Variants in NFASC observed in about 807,000 individuals in gnomAD.
NFASC encodes neurofascin.
In NFASC, 43 loss-of-function variants were observed where a neutral mutation model predicts 147.5. The ratio of observed to expected loss-of-function variants is 0.29; its 90% CI spans 0.23 to 0.38. The LOEUF (loss-of-function observed/expected upper bound fraction) is 0.38. Ranked by LOEUF, NFASC falls within the 10% of genes least tolerant of loss-of-function variation. The pLI is 1.00. For synonymous variants in NFASC, 622 were observed against 665.5 expected (o/e 0.93, Z 1.01); for missense variants, 1,320 against 1,689.0 (o/e 0.78, Z 3.83).
At chr1:204,849,205 T>C (rs2075443679) in intron 1 of NFASC, among the ~76,000 whole-genome samples, 1 of 152,246 alleles carries the variant, frequency 6.6e-6, no homozygotes, top group South Asian at 2.1e-4. Flanking sequence ...TTTGAGCCTC[T>C]CTACCGAAAC....
At chr1:204,839,614 G>A (rs1364330239) in intron 1 of NFASC, among the ~76,000 whole-genome samples, 2 of 150,806 alleles carry the variant, frequency 1.3e-5, no homozygotes, top group African/African-American at 2.4e-5. Flanking sequence ...GGTTGGTCAG[G>A]CAGCTTGCTC....
Position 204,974,739 on chromosome 1 carries a change from C to G in NFASC, c.1474C>G (p.Arg492Gly), listed in dbSNP as rs531423904. ...ENGSLEIKMI[R>G]KEDQGIYTCV... The stretch of plus-strand genomic sequence containing the variant: ...CGGCAGTCTGGAAATTAAGATGATC[C>G]GCAAAGAGGACCAGGGCATCTACAC... The change falls in exon 14 of 30, where the codon CGC becomes GGC. Residue 492 changes from arginine to glycine, a missense_variant. This residue lies in a region of NFASC where 981 missense variants were observed against 1,289.5 expected (regional missense o/e 0.76). Coordinates refer to ENST00000339876, the MANE Select transcript of NFASC (RefSeq NM_001005388.3). 1 of 1,613,864 alleles carries G rather than the reference C, an allele frequency of 6.2e-7. No individual in the cohort carries two copies. The highest frequency in any genetic ancestry group is 8.5e-7 in the Non-Finnish European group (1 of 1,179,944).
rs1484245281 is a variant in NFASC, at chr1:204,975,270, G to C, written c.1559-1G>C. On this transcript the variant is annotated splice_acceptor_variant, in intron 14 of 29. Transcript: ENST00000339876. LOFTEE classifies it high-confidence loss of function. The surrounding 1 kb of genome is among the most constrained non-coding windows in gnomAD (Gnocchi z 4.0). Reference sequence around the variant, plus strand: ...GGCGAGTGCTCTGGGCTTCTCCACAGACCCCACCAGGATCTACCGGATGCC... The same window carrying C: ...GGCGAGTGCTCTGGGCTTCTCCACACACCCCACCAGGATCTACCGGATGCC... 6.2e-7 allele frequency: 1 copy of C among 1,610,106 alleles called. No homozygotes were observed. Among genetic ancestry groups the C allele is most frequent in the Non-Finnish European group, 8.5e-7 (1 of 1,177,656 alleles).
intron 24 of NFASC, among the ~76,000 whole-genome samples, chr1:204,993,257 T>G (rs2095779040): frequency 6.6e-6 from 1 of 152,218 alleles, no homozygotes; most frequent in Non-Finnish European, 1.5e-5. Flanking sequence ...CTCTTAGGAT[T>G]GCTGCCCGTC....
intron 8 of NFASC, among the ~76,000 whole-genome samples, chr1:204,958,277 G>A (rs959325437): frequency 2.0e-5 from 3 of 152,074 alleles, no homozygotes; most frequent in Admixed American, 1.3e-4. Context: ...ATCTTTATTT[G>A]TATAAGAAAC....
chr1:204,847,294 T>C lies in NFASC; in HGVS notation c.-200+18512T>C, dbSNP rs114653096. On this transcript the variant is annotated intron_variant, in intron 1 of 29. Coordinates refer to ENST00000339876, the MANE Select transcript of NFASC (RefSeq NM_001005388.3). ...GTGCTAGACAATGTCCTAAGTGCTT[T>C]AAATAGATACTATCTCACTCCACAT... 5.8e-3 allele frequency among the ~76,000 whole-genome samples: 879 copies of C among 152,320 alleles called. 15 individuals carry two copies. Among genetic ancestry groups the C allele is most frequent in the African/African-American group, 0.02 (826 of 41,556 alleles).
At chr1:204,893,550 C>T (rs373105899) in intron 1 of NFASC, among the ~76,000 whole-genome samples, 4 of 152,276 alleles carry the variant, frequency 2.6e-5, no homozygotes, top group Non-Finnish European at 5.9e-5. Flanking sequence ...AGTACCAGAT[C>T]TAAAATTGCT....
chr1:204,899,751 C>T (rs1360593341), intron 1 of NFASC, among the ~76,000 whole-genome samples: 3 of 152,190 alleles, frequency 2.0e-5, no homozygotes, highest in Admixed American at 6.5e-5. Flanking sequence ...TCACCTTGAG[C>T]AAGTTCTCCA....
chr1:204,853,612 T>C (rs773722236), intron 1 of NFASC, among the ~76,000 whole-genome samples: 3 of 152,210 alleles, frequency 2.0e-5, no homozygotes, highest in Non-Finnish European at 4.4e-5. Flanking sequence ...TTGTTGGGTA[T>C]ATGTGCATGT....
intron 1 of NFASC, among the ~76,000 whole-genome samples, chr1:204,831,356 G>T (rs921249943): frequency 1.3e-5 from 2 of 150,168 alleles, no homozygotes; most frequent in Non-Finnish European, 3.0e-5. Flanking sequence ...AACTGGCTGC[G>T]CTCACAAGGG....
intron 4 of NFASC, 130 bp from the exon 5 acceptor site, chr1:204,951,881 G>C: frequency 1.5e-6 from 1 of 651,820 alleles, no homozygotes; most frequent in South Asian, 1.9e-5. Flanking sequence ...CCTGTTCACC[G>C]CCCCCCACAC....
chr1:204,904,646 A>T (rs1373552937), intron 1 of NFASC, among the ~76,000 whole-genome samples: 1 of 152,236 alleles, frequency 6.6e-6, no homozygotes, highest in African/African-American at 2.4e-5. Flanking sequence ...CACTTTTCAC[A>T]TGACATTGAA....
chr1:204,960,935 G>T (rs904927354), intron 8 of NFASC, among the ~76,000 whole-genome samples: 1 of 152,196 alleles, frequency 6.6e-6, no homozygotes, highest in Non-Finnish European at 1.5e-5. Context: ...CCCAGAAAAG[G>T]ACTCTCATAC....
intron 2 of NFASC, among the ~76,000 whole-genome samples, chr1:204,936,931 G>A (rs1462652340): frequency 6.6e-6 from 1 of 152,186 alleles, no homozygotes; most frequent in Non-Finnish European, 1.5e-5. Flanking sequence ...AGCCATGCTG[G>A]CTTCTCTCAG....
At chr1:204,889,922 A>G (rs892241291) in intron 1 of NFASC, among the ~76,000 whole-genome samples, 1 of 152,260 alleles carries the variant, frequency 6.6e-6, no homozygotes, top group Non-Finnish European at 1.5e-5. Context: ...CTACTGCTTC[A>G]GAGGGTAATT....
intron 2 of NFASC, among the ~76,000 whole-genome samples, chr1:204,922,846 G>A (rs1040800050): frequency 6.6e-6 from 1 of 152,196 alleles, no homozygotes; most frequent in African/African-American, 2.4e-5. Context: ...TCTGAGAGAA[G>A]GGAAGCTGAC....
In NFASC at chr1:204,923,863, A is replaced by T. The variant is rs1158897319; in HGVS notation, c.-91+3123A>T. On this transcript the variant is annotated intron_variant, in intron 2 of 29. Transcript: ENST00000339876. ...GTGCTGTTTACCTCCTTTCTGCTGC[A>T]GTGATGCAATCATGTCTAGACCCCT... Among the ~76,000 whole-genome samples, 3 of 152,208 alleles carry T rather than the reference A, an allele frequency of 2.0e-5. No homozygotes were observed. In the East Asian group the frequency reaches 5.8e-4, roughly 29 times the overall value.
At chr1:204,916,624 A>C (rs1408833522) in intron 1 of NFASC, among the ~76,000 whole-genome samples, 1 of 152,244 alleles carries the variant, frequency 6.6e-6, no homozygotes, top group African/African-American at 2.4e-5. Context: ...AGATATATCA[A>C]TGAGGGTATT....
At chr1:204,879,217 A>G (rs929963808) in intron 1 of NFASC, among the ~76,000 whole-genome samples, 30 of 152,354 alleles carry the variant, frequency 2.0e-4, no homozygotes, top group African/African-American at 7.2e-4. Context: ...CAACTATGAC[A>G]AGTTGGTTAA....
Sources: gnomAD v4.1 joint callset for allele counts (sites outside exome capture counted in the v4.1 genomes callset) on GRCh38, gnomAD v4.1.1 for gene constraint, gnomAD v4.1.1 regional missense constraint, Gnocchi (gnomAD v3.1) non-coding constraint, MANE v1.5 for transcripts, NCBI Gene and HGNC (gene_info 2026-07-23, HGNC 2026-07-21) for gene names.